SREK1IP1: variants seen among roughly 807,000 people sequenced by gnomAD.
SREK1IP1 encodes protein SREK1IP1.
SREK1IP1 carries 12 observed loss-of-function variants against 22.8 expected under a neutral mutation model. The observed-to-expected ratio is 0.53, with a 90% CI of 0.34 to 0.85. The LOEUF is 0.85. SREK1IP1 is among the 40% of genes least tolerant of loss of function. The pLI, the probability that SREK1IP1 is intolerant of heterozygous loss-of-function variation, is 0.02. For synonymous variants in SREK1IP1, 53 were observed against 52.7 expected (o/e 1.01, Z -0.02); for missense variants, 147 against 171.8 (o/e 0.86, Z 0.81).
intron 2 of SREK1IP1, among the ~76,000 whole-genome samples, chr5:64,744,011 A>C (rs1250497621): frequency 6.6e-6 from 1 of 152,156 alleles, no homozygotes; most frequent in Admixed American, 6.5e-5. Flanking sequence ...AAAATACCTG[A>C]AATTGATAAT....
Position 64,720,456 on chromosome 5 carries a change from G to A in SREK1IP1, c.*3928C>T, listed in dbSNP as rs766590362. On this transcript the variant is annotated 3_prime_UTR_variant, in exon 5 of 5. Coordinates refer to ENST00000513458, the MANE Select transcript of SREK1IP1 (RefSeq NM_173829.4). ...TCTTTTAAAAATGGTGGGATTAATC[G>A]GATTATGAAATTGATAAAACCAAAC... 18 of 151,660 alleles carry A rather than the reference G, an allele frequency of 1.2e-4. No individual in the cohort carries two copies. Among genetic ancestry groups the A allele is most frequent in the African/African-American group, 4.1e-4 (17 of 41,268 alleles). 9.4% of individuals were successfully genotyped at this position (151,660 alleles called of 1,614,324 possible).
intron 3 of SREK1IP1, among the ~76,000 whole-genome samples, chr5:64,739,999 A>G (rs1324430388): frequency 6.6e-6 from 1 of 152,148 alleles, no homozygotes; most frequent in Non-Finnish European, 1.5e-5. Context: ...GATTATATTC[A>G]AATAAGTTAT....
intron 2 of SREK1IP1, among the ~76,000 whole-genome samples, chr5:64,748,036 T>C (rs1364390691): frequency 6.6e-6 from 1 of 152,218 alleles, no homozygotes; most frequent in Non-Finnish European, 1.5e-5. Context: ...CTCAAACAGA[T>C]ACTCGTACAT....
intron 1 of SREK1IP1, among the ~76,000 whole-genome samples, chr5:64,764,163 T>C (rs529513490): frequency 6.6e-6 from 1 of 152,150 alleles, no homozygotes; most frequent in East Asian, 1.9e-4. Context: ...AAAAAACTCA[T>C]AATGTTTTAA....
intron 3 of SREK1IP1, among the ~76,000 whole-genome samples, chr5:64,734,135 T>G (rs1212659306): frequency 3.3e-5 from 5 of 152,120 alleles, no homozygotes; most frequent in Admixed American, 1.3e-4. Context: ...CAAAAGGGTC[T>G]CTATGTGATT....
intron 2 of SREK1IP1, among the ~76,000 whole-genome samples, chr5:64,744,996 T>G (rs275820): frequency 0.63 from 95,034 of 151,970 alleles, 31,588 homozygotes; most frequent in African/African-American, 0.87. Context: ...CTGACTTTAC[T>G]TGAGGGGCTC....
In SREK1IP1 at chr5:64,720,432, C is replaced by G. The variant is rs1474690232; in HGVS notation, c.*3952G>C. 6.6e-6 allele frequency: 1 copy of G among 151,880 alleles called. No individual in the cohort carries two copies. Among genetic ancestry groups the G allele is most frequent in the Non-Finnish European group, 1.5e-5 (1 of 67,966 alleles). 9.4% of individuals were successfully genotyped at this position (151,880 alleles called of 1,614,324 possible). ...AGCCTTCTAATGAAAGCAATTTCAT[C>G]TTTTAAAAATGGTGGGATTAATCGG... On this transcript the variant is annotated 3_prime_UTR_variant, in exon 5 of 5. Coordinates refer to ENST00000513458, the MANE Select transcript of SREK1IP1 (RefSeq NM_173829.4).
Position 64,741,064 on chromosome 5 carries a change from C to G in SREK1IP1, c.198G>C (p.Gln66His), listed in dbSNP as rs367664354. The change falls in exon 3 of 5, where the codon CAG (glutamine) becomes CAC (histidine). Residue 66 changes from glutamine to histidine, a missense_variant. By Grantham distance (24) the Gln-to-His change is conservative (BLOSUM62 0). Transcript: ENST00000513458. ...GAAAAAAATATTGCTTACTTTTTTC[C>G]TGTAATGCCTGCAATTTATTCAGTT... ...NEELNKLQAL[Q>H]EKRINEEEEK... 1 of 1,607,980 alleles carries G rather than the reference C, an allele frequency of 6.2e-7. No individual in the cohort carries two copies. Among genetic ancestry groups the G allele is most frequent in the South Asian group, 1.1e-5 (1 of 90,152 alleles).
At chr5:64,766,749 G>A (rs1199825361) in intron 1 of SREK1IP1, among the ~76,000 whole-genome samples, 1 of 152,172 alleles carries the variant, frequency 6.6e-6, no homozygotes, top group Non-Finnish European at 1.5e-5. Context: ...TTGCTTTCCA[G>A]CTGTCTCATA....
intron 3 of SREK1IP1, among the ~76,000 whole-genome samples, chr5:64,733,727 C>T (rs1742414363): frequency 6.6e-6 from 1 of 152,026 alleles, no homozygotes; most frequent in Non-Finnish European, 1.5e-5. Context: ...ATAATAACCC[C>T]AAACTGACAA....
chr5:64,731,560 A>ATTGTGAGGAATG (rs2112089663), intron 3 of SREK1IP1, among the ~76,000 whole-genome samples: 1 of 151,758 alleles, frequency 6.6e-6, no homozygotes, highest in South Asian at 2.1e-4. Flanking sequence ...TCTTAAAATA[A>ATTGTGAGGAATG]TTGTGAGGAA....
At position 64,768,615 on chromosome 5, in the gene SREK1IP1, C is replaced by T; in HGVS notation, c.-98G>A. 1 of 1,573,432 alleles carries T rather than the reference C, an allele frequency of 6.4e-7. No homozygotes were observed. Among genetic ancestry groups the T allele is most frequent in the Non-Finnish European group, 8.7e-7 (1 of 1,147,314 alleles). The stretch of plus-strand genomic sequence containing the variant: ...AAGGCACAGTCAAAGCGGCGTTTTC[C>T]TTCCCCCAGCGCAGCAGCACCCTCG... On this transcript the variant is annotated 5_prime_UTR_variant, in exon 1 of 5. Coordinates refer to ENST00000513458, the MANE Select transcript of SREK1IP1 (RefSeq NM_173829.4).
Position 64,743,257 on chromosome 5 carries a change from T to C in SREK1IP1, c.62-2057A>G, listed in dbSNP as rs551641473. Among the ~76,000 whole-genome samples, 12 of 152,354 alleles carry C rather than the reference T, an allele frequency of 7.9e-5. 1 individual carries two copies. In the South Asian group the frequency reaches 2.3e-3, roughly 29 times the overall value. On this transcript the variant is annotated intron_variant, in intron 2 of 4. Transcript: ENST00000513458. ...TATGTTTAGACACACAAATACTTAC[T>C]ACTGTGTTACAACTGCCTACACTAT...
intron 2 of SREK1IP1, among the ~76,000 whole-genome samples, chr5:64,749,068 A>AT (rs1431291578): frequency 1.3e-5 from 1 of 78,746 alleles, no homozygotes; most frequent in Non-Finnish European, 2.7e-5. Flanking sequence ...ACATAATAAT[A>AT]ATAATAATAA....
At chr5:64,752,924 T>C (rs1232070123) in intron 2 of SREK1IP1, among the ~76,000 whole-genome samples, 1 of 152,056 alleles carries the variant, frequency 6.6e-6, no homozygotes, top group Non-Finnish European at 1.5e-5. Context: ...AGGAGACAAA[T>C]CAGAAATTGT....
chr5:64,743,202 T>C (rs1343524457), intron 2 of SREK1IP1, among the ~76,000 whole-genome samples: 1 of 152,206 alleles, frequency 6.6e-6, no homozygotes, highest in African/African-American at 2.4e-5. Context: ...TCCCATAAGA[T>C]AATAATACTG....
intron 3 of SREK1IP1, among the ~76,000 whole-genome samples, chr5:64,735,838 T>C (rs1459388272): frequency 1.3e-5 from 2 of 152,140 alleles, no homozygotes; most frequent in South Asian, 2.1e-4. Flanking sequence ...TGATTTTCTA[T>C]AGTTTTGTTT....
rs1354152634 is a variant in SREK1IP1, at chr5:64,721,854, T to C, written c.*2530A>G. The C allele has an allele frequency of 2.6e-5, 4 of 152,164 alleles. No homozygotes were observed. The highest frequency in any genetic ancestry group is 7.2e-5 in the African/African-American group (3 of 41,450). 9.4% of individuals were successfully genotyped at this position (152,164 alleles called of 1,614,324 possible). The stretch of plus-strand genomic sequence containing the variant: ...TGAATATTGCTTGAATTTTAAAATA[T>C]TGATAATTATATATATTAAACCTTG... On this transcript the variant is annotated 3_prime_UTR_variant, in exon 5 of 5. Coordinates refer to ENST00000513458, the MANE Select transcript of SREK1IP1 (RefSeq NM_173829.4).
intron 1 of SREK1IP1, among the ~76,000 whole-genome samples, chr5:64,764,700 T>C (rs898387663): frequency 6.6e-6 from 1 of 152,100 alleles, no homozygotes; most frequent in Non-Finnish European, 1.5e-5. Context: ...TGAAGAGAAC[T>C]ACAAAATTCA....
Sources: gnomAD v4.1 joint callset for allele counts (sites outside exome capture counted in the v4.1 genomes callset) on GRCh38, gnomAD v4.1.1 for gene constraint, MANE v1.5 for transcripts, NCBI Gene and HGNC (gene_info 2026-07-23, HGNC 2026-07-21) for gene names.